The following USP16 variants were observed in gnomAD, a reference collection of about 807,000 sequenced individuals.
USP16 encodes ubiquitin specific peptidase 16, also known as ubiquitin carboxyl-terminal hydrolase 16.
USP16 carries 77 observed loss-of-function variants against 95.9 expected under a neutral mutation model. That is an observed-to-expected ratio of 0.80 (90% CI 0.67 to 0.97). The LOEUF (loss-of-function observed/expected upper bound fraction) is 0.97. USP16 is among the 50% of genes least tolerant of loss of function. USP16 has a pLI of 0.00. For missense variants in USP16, 943 were observed against 959.9 expected (o/e 0.98, Z 0.23); for synonymous variants, 303 against 318.2 (o/e 0.95, Z 0.51).
chr21:29,048,100 T>TA (rs2085358463), intron 14 of USP16, among the ~76,000 whole-genome samples: 1 of 139,834 alleles, frequency 7.2e-6, no homozygotes, highest in East Asian at 2.1e-4. Flanking sequence ...TGTGTGTGTT[T>TA]TGAGACAGAG....
chr21:29,038,247 C>T, intron 6 of USP16, 88 bp from the exon 7 acceptor site: 1 of 827,844 alleles, frequency 1.2e-6, no homozygotes, highest in South Asian at 1.8e-5. Context: ...TCATGATTTT[C>T]TGTTTTGATA....
chr21:29,027,802 A>G, intron 1 of USP16, 71 bp from the exon 2 acceptor site: 2 of 1,056,362 alleles, frequency 1.9e-6, no homozygotes, highest in Non-Finnish European at 2.9e-6. Flanking sequence ...GCTTAGTTAT[A>G]TTACTGTCTC....
chr21:29,029,426 A>G (rs1225962524), intron 2 of USP16, among the ~76,000 whole-genome samples: 1 of 152,052 alleles, frequency 6.6e-6, no homozygotes, highest in Non-Finnish European at 1.5e-5. Context: ...AAGAAAAAAG[A>G]AAAAAAAGGG....
At chr21:29,038,934 A>C in intron 7 of USP16, 92 bp from the exon 8 acceptor site, 3 of 1,278,962 alleles carry the variant, frequency 2.3e-6, no homozygotes, top group Non-Finnish European at 3.1e-6. Flanking sequence ...TCTGTCAGGA[A>C]CATTGGTAGT....
chr21:29,049,274 T>C (rs2085377831), intron 15 of USP16, among the ~76,000 whole-genome samples: 1 of 152,230 alleles, frequency 6.6e-6, no homozygotes, highest in African/African-American at 2.4e-5. Flanking sequence ...TCATCTTTTC[T>C]GGAAAACTTT....
In USP16 at chr21:29,024,758, T is replaced by C. The variant is rs1317926225; in HGVS notation, c.-61T>C. On this transcript the variant is annotated 5_prime_UTR_variant, in exon 1 of 18. Transcript: ENST00000399976. The stretch of plus-strand genomic sequence containing the variant: ...CCAAAGGCCCATGAGGGGATGCAGT[T>C]ATGGGCTCTGTCGCCGTGGGTGAGT... The C allele has an allele frequency of 2.3e-6, 3 of 1,288,704 alleles. No individual in the cohort carries two copies. The African/African-American group carries it at 4.6e-5, about 20-fold the overall frequency. 79.8% of individuals were successfully genotyped at this position (1,288,704 alleles called of 1,614,324 possible).
chr21:29,034,640 G>GT (rs1422581534), intron 3 of USP16, among the ~76,000 whole-genome samples, 197 bp from the exon 4 acceptor site: 1 of 152,148 alleles, frequency 6.6e-6, no homozygotes, highest in African/African-American at 2.4e-5. Flanking sequence ...CTAAATACTT[G>GT]TTGACTTAAA....
In USP16 at chr21:29,034,892, G is replaced by C; in HGVS notation, c.296G>C (p.Arg99Thr). 4.3e-6 allele frequency: 7 copies of C among 1,614,150 alleles called. No homozygotes were observed. The highest frequency in any genetic ancestry group is 5.9e-6 in the Non-Finnish European group (7 of 1,179,994). Reference protein sequence around the residue: ...QHALKHYLTPRSEPHCLVLSL... With the variant: ...QHALKHYLTPTSEPHCLVLSL... The stretch of plus-strand genomic sequence containing the variant: ...GCCTTGAAGCACTATCTGACGCCAA[G>C]ATCTGAACCTCACTGTCTGGTTCTT... Residue 99 changes from arginine to threonine, a missense_variant, in exon 4 of 18, where the codon AGA becomes ACA. Physicochemically the swap from Arg to Thr is moderately conservative, Grantham distance 71 (BLOSUM62 -1). Coordinates refer to ENST00000399976, the MANE Select transcript of USP16 (RefSeq NM_006447.3).
In USP16 at chr21:29,047,250, G is replaced by C; in HGVS notation, c.1940G>C (p.Arg647Pro). Residue 647 changes from arginine (R) to proline (P), a missense_variant, in exon 14 of 18, where the codon CGA becomes CCA. By Grantham distance (103) the Arg-to-Pro change is moderately radical. Transcript: ENST00000399976. The part of the protein sequence containing the change: ...LYQFTRNEKL[R>P]DANKLLCEVC... ...CAGTTCACCCGTAATGAGAAACTTC[G>C]AGATGCGAATAAACTGCTTTGTGAA... The C allele has an allele frequency of 6.2e-7, 1 of 1,614,096 alleles. No homozygotes were observed. The highest frequency in any genetic ancestry group is 1.1e-5 in the South Asian group (1 of 91,072).
intron 2 of USP16, among the ~76,000 whole-genome samples, 183 bp downstream of exon 2, chr21:29,028,157 T>A (rs2085022578): frequency 6.6e-6 from 1 of 151,064 alleles, no homozygotes; most frequent in African/African-American, 2.4e-5. Context: ...AATCTCGCTC[T>A]GTTGCCCAGG....
At chr21:29,042,972 A>G (rs1238974847) in intron 12 of USP16, 2 of 156,086 alleles carry the variant, frequency 1.3e-5, no homozygotes, top group Admixed American at 6.5e-5. Context: ...CATATGAATT[A>G]TGAGACCCTT....
Position 29,054,369 on chromosome 21 carries a change from A to T in USP16, c.*182A>T. 2 of 816,804 alleles carry T rather than the reference A, an allele frequency of 2.4e-6. No individual in the cohort carries two copies. The highest frequency in any genetic ancestry group is 3.6e-6 in the Non-Finnish European group (2 of 550,036). 50.6% of individuals were successfully genotyped at this position (816,804 alleles called of 1,614,324 possible). On this transcript the variant is annotated 3_prime_UTR_variant, in exon 18 of 18. Transcript: ENST00000399976. The stretch of plus-strand genomic sequence containing the variant: ...AAATGTACAAAGGTTTTATATTGTC[A>T]TAGTGGTTTTTATTCCTGCTTTGTT...
Position 29,046,744 on chromosome 21 carries a change from C to T in USP16, c.1434C>T (p.Asp478=), listed in dbSNP as rs765341296. The T allele has an allele frequency of 3.7e-6, 6 of 1,613,952 alleles. No individual in the cohort carries two copies. The highest frequency in any genetic ancestry group is 1.7e-4 in the Middle Eastern group (1 of 6,060). The part of the protein sequence containing the change: ...NDICTIDHPE[D]SEYEAEMSLQ... ...TTTGTACTATTGACCATCCTGAAGA[C>T]AGTGAATATGAAGCTGAAATGTCAC... Residue 478 remains aspartate (D), a synonymous_variant, in exon 14 of 18, where the codon GAC becomes GAT. Coordinates refer to ENST00000399976, the MANE Select transcript of USP16 (RefSeq NM_006447.3).
intron 1 of USP16, chr21:29,026,496 T>TA (rs1406161156): frequency 1.4e-5 from 2 of 143,816 alleles, no homozygotes; most frequent in Non-Finnish European, 3.0e-5. Context: ...GATTGGCAGG[T>TA]AAAAAGTGGT....
intron 1 of USP16, chr21:29,025,889 T>C (rs927406248): frequency 1.9e-5 from 4 of 212,092 alleles, no homozygotes; most frequent in Non-Finnish European, 2.4e-5. Flanking sequence ...CATTTATTTT[T>C]CTAAGAACTT....
intron 2 of USP16, 98 bp from the exon 3 acceptor site, chr21:29,030,497 T>G: frequency 8.8e-7 from 1 of 1,134,982 alleles, no homozygotes; most frequent in East Asian, 2.8e-5. Flanking sequence ...TAGAGTAAAT[T>G]TCATTTTTGA....
In USP16 at chr21:29,042,537, A is replaced by G. The variant is rs781574322; in HGVS notation, c.1179+9A>G. ...CAGTTTTAGATGATCAGGTAAGACT[A>G]TTGAATTTATTTTATTCAAGTAGAT... On this transcript the variant is annotated intron_variant, in intron 12 of 17. Coordinates refer to ENST00000399976, the MANE Select transcript of USP16 (RefSeq NM_006447.3). 1.9e-6 allele frequency: 3 copies of G among 1,588,590 alleles called. No homozygotes were observed. The highest frequency in any genetic ancestry group is 2.3e-5 in the East Asian group (1 of 43,884).
chr21:29,045,256 C>A (rs1175885911), intron 13 of USP16, among the ~76,000 whole-genome samples: 4 of 152,148 alleles, frequency 2.6e-5, no homozygotes, highest in African/African-American at 7.2e-5. Context: ...CTTCATTCTT[C>A]TGGTATTACA....
intron 14 of USP16, among the ~76,000 whole-genome samples, chr21:29,048,362 G>A (rs187679745): frequency 1.7e-4 from 26 of 152,162 alleles, no homozygotes; most frequent in Non-Finnish European, 2.8e-4. Context: ...GGATTACAGC[G>A]TGAGCCATCG....
Sources: gnomAD v4.1 joint callset for allele counts (sites outside exome capture counted in the v4.1 genomes callset) on GRCh38, gnomAD v4.1.1 for gene constraint, MANE v1.5 for transcripts, NCBI Gene and HGNC (gene_info 2026-07-23, HGNC 2026-07-21) for gene names.